CDK6: variants seen among roughly 807,000 people sequenced by gnomAD.
CDK6 encodes the protein cyclin-dependent kinase 6.
CDK6 carries 6 observed loss-of-function variants against 37.1 expected under a neutral mutation model. The ratio of observed to expected loss-of-function variants is 0.16; its 90% CI spans 0.09 to 0.32. CDK6 has a LOEUF of 0.32. Ranked by LOEUF, CDK6 falls within the 10% of genes least tolerant of loss-of-function variation. The pLI, the probability that CDK6 is intolerant of heterozygous loss-of-function variation, is 1.00. For missense variants in CDK6, 224 were observed against 418.9 expected (o/e 0.53, Z 4.06); for synonymous variants, 160 against 161.3 (o/e 0.99, Z 0.06).
intron 4 of CDK6, among the ~76,000 whole-genome samples, chr7:92,683,120 C>T (rs1221561558): frequency 6.6e-6 from 1 of 152,172 alleles, no homozygotes; most frequent in East Asian, 1.9e-4. Context: ...CTTCAACCTT[C>T]ACAGATAAGT....
At chr7:92,658,165 A>G (rs1796747694) in intron 5 of CDK6, among the ~76,000 whole-genome samples, 1 of 152,212 alleles carries the variant, frequency 6.6e-6, no homozygotes, top group African/African-American at 2.4e-5. Context: ...AACAGAGTTT[A>G]GTTGAAACTT....
At chr7:92,764,084 T>C (rs1387828671) in intron 3 of CDK6, among the ~76,000 whole-genome samples, 1 of 151,976 alleles carries the variant, frequency 6.6e-6, no homozygotes, top group Non-Finnish European at 1.5e-5. Context: ...TAGTCCATTT[T>C]CCAGGCATCC....
At chr7:92,715,112 A>G (rs1310250116) in intron 4 of CDK6, among the ~76,000 whole-genome samples, 1 of 152,244 alleles carries the variant, frequency 6.6e-6, no homozygotes, top group African/African-American at 2.4e-5. Flanking sequence ...CCATGTATTT[A>G]TAAAACACTT....
intron 5 of CDK6, among the ~76,000 whole-genome samples, chr7:92,666,815 A>G (rs529172080): frequency 1.1e-4 from 17 of 152,366 alleles, no homozygotes; most frequent in African/African-American, 4.1e-4. Flanking sequence ...ATTTGCTAAT[A>G]CAAGACTCTG....
chr7:92,824,049 A>G (rs1801247475), intron 2 of CDK6, among the ~76,000 whole-genome samples: 1 of 152,064 alleles, frequency 6.6e-6, no homozygotes, highest in Non-Finnish European at 1.5e-5. Context: ...TCTAAAAATA[A>G]AAGTATTTTA....
At chr7:92,694,100 G>A (rs1161560016) in intron 4 of CDK6, among the ~76,000 whole-genome samples, 1 of 152,160 alleles carries the variant, frequency 6.6e-6, no homozygotes, top group African/African-American at 2.4e-5. Context: ...GATGGACTAA[G>A]GGAAAGAGTC....
chr7:92,736,346 T>C (rs958415958), intron 3 of CDK6, among the ~76,000 whole-genome samples: 1 of 152,282 alleles, frequency 6.6e-6, no homozygotes, highest in Middle Eastern at 3.4e-3. Context: ...TGTCAGGTGA[T>C]GCTACACGGA....
At chr7:92,827,900 C>T (rs1380457937) in intron 2 of CDK6, among the ~76,000 whole-genome samples, 1 of 152,120 alleles carries the variant, frequency 6.6e-6, no homozygotes, top group Non-Finnish European at 1.5e-5. Flanking sequence ...ATGGAAAACA[C>T]ATATTTGCTT....
At chr7:92,679,140 T>C (rs966365900) in intron 4 of CDK6, among the ~76,000 whole-genome samples, 2 of 152,190 alleles carry the variant, frequency 1.3e-5, no homozygotes, top group African/African-American at 4.8e-5. Context: ...TACTTGAGTT[T>C]GAGTGTGCCA....
chr7:92,816,939 A>AC (rs983617086), intron 2 of CDK6, among the ~76,000 whole-genome samples: 25 of 151,824 alleles, frequency 1.6e-4, no homozygotes, highest in African/African-American at 3.6e-4. Flanking sequence ...ATAAACTACC[A>AC]CCCCCCCAAA....
intron 3 of CDK6, among the ~76,000 whole-genome samples, chr7:92,748,010 G>A (rs1272142992): frequency 1.3e-5 from 2 of 152,092 alleles, no homozygotes; most frequent in African/African-American, 2.4e-5. Flanking sequence ...GGGAAAATGC[G>A]CAGATGGTAA....
intron 4 of CDK6, among the ~76,000 whole-genome samples, chr7:92,724,490 G>A (rs1798462596): frequency 6.6e-6 from 1 of 152,098 alleles, no homozygotes; most frequent in Non-Finnish European, 1.5e-5. Flanking sequence ...TGGGGGCAGG[G>A]GGTGGGGAAC....
At chr7:92,656,748 A>G (rs1796708426) in intron 5 of CDK6, among the ~76,000 whole-genome samples, 1 of 152,112 alleles carries the variant, frequency 6.6e-6, no homozygotes, top group Non-Finnish European at 1.5e-5. Context: ...GAAAAATGAG[A>G]TGGTAAGTTT....
At chr7:92,726,850 T>A (rs1798523625) in intron 3 of CDK6, among the ~76,000 whole-genome samples, 1 of 152,228 alleles carries the variant, frequency 6.6e-6, no homozygotes, top group Non-Finnish European at 1.5e-5. Flanking sequence ...ATTTAACCTC[T>A]CTAAGGCTTA....
chr7:92,809,709 G>A (rs917922620), intron 2 of CDK6, among the ~76,000 whole-genome samples: 1 of 152,208 alleles, frequency 6.6e-6, no homozygotes, highest in Non-Finnish European at 1.5e-5. Context: ...CTAATCCAGT[G>A]TGAAATATAA....
At position 92,623,104 on chromosome 7, in the gene CDK6, C is replaced by T. The variant is rs752171271; in HGVS notation, c.648-18G>A. ...AAAGAGGCCTAAAAGAATAAAGATA[C>T]ATTTTAAATAAGAAATGTTCTCAGA... On this transcript the variant is annotated intron_variant, in intron 5 of 7. Transcript: ENST00000424848. 11 of 1,496,096 alleles carry T rather than the reference C, an allele frequency of 7.4e-6. No individual in the cohort carries two copies. The highest frequency in any genetic ancestry group is 2.8e-5 in the African/African-American group (2 of 72,144). 92.7% of individuals were successfully genotyped at this position (1,496,096 alleles called of 1,614,324 possible). A position where few individuals can be genotyped will look rare whatever the true frequency, so the allele number is the denominator to read the frequency against.
At chr7:92,768,325 A>G (rs2237575) in intron 3 of CDK6, among the ~76,000 whole-genome samples, 18,701 of 152,228 alleles carry the variant, frequency 0.12, 1,331 homozygotes, top group South Asian at 0.29. Context: ...GAACTATTTT[A>G]AGTCAAATTG....
intron 3 of CDK6, among the ~76,000 whole-genome samples, chr7:92,765,633 C>A (rs1299849347): frequency 6.6e-6 from 1 of 152,098 alleles, no homozygotes; most frequent in Admixed American, 6.5e-5. Flanking sequence ...AAGATAAACA[C>A]CTAGTACAGT....
rs1470599098 is a variant in CDK6, at chr7:92,833,948, G to T, written c.-367-258C>A. 2 of 398,516 alleles carry T rather than the reference G, an allele frequency of 5.0e-6. No homozygotes were observed. The highest frequency in any genetic ancestry group is 4.4e-6 in the Non-Finnish European group (1 of 226,148). The allele number at this position is 398,516 out of a possible 1,614,324, so 24.7% of individuals were successfully genotyped here. ...GGCCCCTCGGGGATGAGCGAGCGGC[G>T]CGGGACGCAGTGGAACGGGAGGGGG... On this transcript the variant is annotated intron_variant, in intron 1 of 7. Coordinates refer to ENST00000424848, the MANE Select transcript of CDK6 (RefSeq NM_001145306.2). The surrounding 1 kb of genome is among the most constrained non-coding windows in gnomAD (Gnocchi z 6.1).
Sources: allele counts gnomAD v4.1 joint callset (sites outside exome capture counted in the v4.1 genomes callset), GRCh38; gene constraint gnomAD v4.1.1; non-coding constraint Gnocchi (gnomAD v3.1); transcripts MANE v1.5; gene names NCBI Gene and HGNC (gene_info 2026-07-23, HGNC 2026-07-21).